KDM5B: variants seen among roughly 807,000 people sequenced by gnomAD.
The protein encoded by KDM5B is lysine demethylase 5B.
Under a neutral mutation model 193.4 loss-of-function variants are expected in KDM5B, and 144 were observed. The observed-to-expected ratio is 0.74, with a 90% CI of 0.65 to 0.86. KDM5B has a LOEUF of 0.86. KDM5B is among the 40% of genes least tolerant of loss of function. KDM5B has a pLI of 0.00. For missense variants in KDM5B, 1,833 were observed against 1,886.9 expected (o/e 0.97, Z 0.53); for synonymous variants, 668 against 682.6 (o/e 0.98, Z 0.33).
chr1:202,756,540 A>G, intron 9 of KDM5B, 24 bp from the exon 10 acceptor site: 1 of 1,552,092 alleles, frequency 6.4e-7, no homozygotes, highest in East Asian at 2.3e-5. Context: ...GAATAGAAAA[A>G]ATGAGTTTCC....
intron 9 of KDM5B, among the ~76,000 whole-genome samples, 187 bp from the exon 10 acceptor site, chr1:202,756,703 C>G (rs1012631293): frequency 6.6e-6 from 1 of 152,164 alleles, no homozygotes; most frequent in Non-Finnish European, 1.5e-5. Context: ...CTATCACCAG[C>G]CAGGCCACAA....
At position 202,733,638 on chromosome 1, in the gene KDM5B, T is replaced by C; in HGVS notation, c.3672A>G (p.Ser1224=). The change falls in exon 23 of 27, where the codon TCA becomes TCG. Residue 1224 remains serine (S), a synonymous_variant. Transcript: ENST00000367265. ...GAATTTTCTCTAATGGAGGTTTCTC[T>C]GACCTCCGACAATGGGGACAAAGCC... ...RIWLCPHCRR[S]EKPPLEKILP... 1 of 1,614,170 alleles carries C rather than the reference T, an allele frequency of 6.2e-7. No individual in the cohort carries two copies. Among genetic ancestry groups the C allele is most frequent in the Non-Finnish European group, 8.5e-7 (1 of 1,180,020 alleles).
rs775570784 is a variant in KDM5B, at chr1:202,729,165, C to A, written c.4506G>T (p.Trp1502Cys). The change falls in exon 27 of 27, where the codon TGG (tryptophan) becomes TGT (cysteine). Residue 1502 changes from tryptophan to cysteine, a missense_variant. Physicochemically the swap from Trp to Cys is radical, Grantham distance 215 (BLOSUM62 -2). Around this residue, in one of 3 missense-constraint regions of KDM5B, gnomAD observed 1,379 missense variants for 1,349.6 expected, o/e 1.02. Transcript: ENST00000367265. ...CLQPEGDEVD[W>C]VQCDGSCNQW... ...GATTGCAGCTGCCATCACACTGGAC[C>A]CAGTCCACCTGGTTACAAAGAGCAG... 6.2e-7 allele frequency: 1 copy of A among 1,614,078 alleles called. No individual in the cohort carries two copies. The highest frequency in any genetic ancestry group is 1.1e-5 in the South Asian group (1 of 91,084).
Position 202,726,592 on chromosome 1 carries a change from A to G in KDM5B, c.*2444T>C, listed in dbSNP as rs1654682690. 1 of 152,158 alleles carries G rather than the reference A, an allele frequency of 6.6e-6. No individual in the cohort carries two copies. The highest frequency in any genetic ancestry group is 2.4e-5 in the African/African-American group (1 of 41,442). The allele number at this position is 152,158 out of a possible 1,614,324, so 9.4% of individuals were successfully genotyped here. On this transcript the variant is annotated 3_prime_UTR_variant, in exon 27 of 27. Transcript: ENST00000367265. ...AGTCCCTTCCCCTCTCCCACCTCAC[A>G]AAGCTGCAGGACTACTGAGATGGAA... is the stretch of plus-strand genomic sequence containing the variant.
At chr1:202,793,216 A>G (rs1558517773) in intron 1 of KDM5B, among the ~76,000 whole-genome samples, 1 of 152,174 alleles carries the variant, frequency 6.6e-6, no homozygotes, top group Non-Finnish European at 1.5e-5. Context: ...TTTCTATAAA[A>G]TGGATCTGCC....
Position 202,808,263 on chromosome 1 carries a change from G to A in KDM5B, c.43C>T (p.Leu15=), listed in dbSNP as rs759290713. The change falls in exon 1 of 27, where the codon CTG becomes TTG. Residue 15 remains leucine, a synonymous_variant. Coordinates refer to ENST00000367265, the MANE Select transcript of KDM5B (RefSeq NM_006618.5). ...AGCGGGCCCGGGCCCCCGAGGGGCA[G>A]CGCCGGGCGCGGGCCTGGGTGCAGT... The part of the protein sequence containing the change: ...TTLHPGPRPA[L]PLGGPGPLGE... The A allele has an allele frequency of 6.2e-7, 1 of 1,609,362 alleles. No individual in the cohort carries two copies. Among genetic ancestry groups the A allele is most frequent in the African/African-American group, 1.3e-5 (1 of 74,774 alleles).
chr1:202,802,229 G>A (rs1414380653), intron 1 of KDM5B, among the ~76,000 whole-genome samples: 1 of 152,070 alleles, frequency 6.6e-6, no homozygotes, highest in Non-Finnish European at 1.5e-5. Flanking sequence ...TTAGGGGCAC[G>A]GGCTTTCCCT....
intron 1 of KDM5B, among the ~76,000 whole-genome samples, chr1:202,784,728 A>C (rs1256112918): frequency 1.3e-5 from 2 of 152,230 alleles, no homozygotes; most frequent in Admixed American, 6.5e-5. Flanking sequence ...TTTGTACGAC[A>C]AAGAATTGCA....
intron 6 of KDM5B, among the ~76,000 whole-genome samples, chr1:202,763,074 AG>A (rs1365560034): frequency 6.6e-6 from 1 of 152,230 alleles, no homozygotes; most frequent in African/African-American, 2.4e-5. Flanking sequence ...AATAGGAATT[AG>A]TTTTCTCAAG....
intron 11 of KDM5B, among the ~76,000 whole-genome samples, chr1:202,753,667 T>TTG (rs1558493369): frequency 8.0e-6 from 1 of 124,716 alleles, no homozygotes; most frequent in Non-Finnish European, 1.8e-5. Flanking sequence ...TGTTGTTGTT[T>TTG]TTTTTTTGTT....
rs1311634222 is a variant in KDM5B, at chr1:202,758,443, A to G, written c.1145T>C (p.Phe382Ser). The G allele has an allele frequency of 1.2e-6, 2 of 1,613,322 alleles. No homozygotes were observed. The highest frequency in any genetic ancestry group is 1.7e-5 in the Admixed American group (1 of 60,006). ...TTTGAACGCATCTGCCATTTCCCCA[A>G]AAGTACGGAGGGTATAGTCCCTGGC... ...QAARDYTLRT[F>S]GEMADAFKSD... Residue 382 changes from phenylalanine to serine, a missense_variant, in exon 9 of 27, where the codon TTT becomes TCT. Phe to Ser is a radical substitution (Grantham distance 155). Around this residue, in one of 3 missense-constraint regions of KDM5B, gnomAD observed 99 missense variants for 162.4 expected, o/e 0.61. Coordinates refer to ENST00000367265, the MANE Select transcript of KDM5B (RefSeq NM_006618.5).
intron 5 of KDM5B, 79 bp downstream of exon 5, chr1:202,766,847 T>G: frequency 7.8e-5 from 112 of 1,433,944 alleles, no homozygotes; most frequent in South Asian, 1.0e-4. Flanking sequence ...AGCACACACA[T>G]GAGAGAAATC....
chr1:202,739,995 C>T (rs1408498321), intron 20 of KDM5B, among the ~76,000 whole-genome samples: 2 of 152,246 alleles, frequency 1.3e-5, no homozygotes, highest in African/African-American at 4.8e-5. Context: ...TTGGGTACAC[C>T]TCCCAGACGG....
At chr1:202,732,620 G>GTTTTTT (rs66482938) in intron 23 of KDM5B, among the ~76,000 whole-genome samples, 1 of 147,982 alleles carries the variant, frequency 6.8e-6, no homozygotes, top group Non-Finnish European at 1.5e-5. Context: ...ATGACAGACT[G>GTTTTTT]TTTTTTTTTT....
chr1:202,757,454 T>C (rs115482563), intron 9 of KDM5B, among the ~76,000 whole-genome samples: 2,467 of 152,346 alleles, frequency 0.016, 64 homozygotes, highest in African/African-American at 0.056. Context: ...AACATTTAAA[T>C]GTCTATCCCT....
intron 26 of KDM5B, 74 bp from the exon 27 acceptor site, chr1:202,729,247 G>A (rs1654784139): frequency 1.9e-6 from 3 of 1,558,252 alleles, no homozygotes; most frequent in Non-Finnish European, 2.6e-6. Flanking sequence ...CCAGCCTCAA[G>A]AAATTCAGGC....
chr1:202,777,791 G>A lies in KDM5B; in HGVS notation c.205-697C>T, dbSNP rs191333287. On this transcript the variant is annotated intron_variant, in intron 1 of 26. Transcript: ENST00000367265. ...TGAGATTACAAGTGTGAGCCACTGAGCCTGGCCCACCTTAACTTTTCTTAT... is the reference window on the plus strand; with the variant it reads ...TGAGATTACAAGTGTGAGCCACTGAACCTGGCCCACCTTAACTTTTCTTAT... Among the ~76,000 whole-genome samples the A allele has an allele frequency of 3.3e-3, 505 of 152,176 alleles. 1 individual carries two copies. Among genetic ancestry groups the A allele is most frequent in the Non-Finnish European group, 5.6e-3 (383 of 68,006 alleles).
At chr1:202,751,462 C>G (rs1655788187) in intron 12 of KDM5B, among the ~76,000 whole-genome samples, 2 of 152,150 alleles carry the variant, frequency 1.3e-5, no homozygotes, top group Admixed American at 1.3e-4. Context: ...GGAGACCAGC[C>G]ATCTGTGTAG....
intron 26 of KDM5B, 123 bp from the exon 27 acceptor site, chr1:202,729,296 T>A: frequency 9.6e-7 from 1 of 1,040,024 alleles, no homozygotes; most frequent in Non-Finnish European, 1.4e-6. Context: ...CACTGGGACC[T>A]CTGGCACAAC....
Sources: allele counts gnomAD v4.1 joint callset (sites outside exome capture counted in the v4.1 genomes callset), GRCh38; gene constraint gnomAD v4.1.1; regional missense constraint gnomAD v4.1.1; transcripts MANE v1.5; gene names NCBI Gene and HGNC (gene_info 2026-07-23, HGNC 2026-07-21).